The following ASTN2 variants were observed in gnomAD, a reference collection of about 807,000 sequenced individuals.
The protein encoded by ASTN2 is astrotactin 2, also known as astrotactin-2.
In ASTN2, 54 loss-of-function variants were observed where a neutral mutation model predicts 139.8. The observed-to-expected ratio is 0.39, with a 90% CI of 0.31 to 0.48. The LOEUF (loss-of-function observed/expected upper bound fraction) is 0.48, where lower values mean the gene tolerates loss of function less well. ASTN2 is among the 20% of genes least tolerant of loss of function. The pLI, the probability that ASTN2 is intolerant of heterozygous loss-of-function variation, is 0.95. For missense variants in ASTN2, 1,565 were observed against 1,725.1 expected (o/e 0.91, Z 1.64); for synonymous variants, 756 against 719.5 (o/e 1.05, Z -0.81).
chr9:116,942,155 C>G (rs545511136), intron 10 of ASTN2, among the ~76,000 whole-genome samples: 111 of 152,068 alleles, frequency 7.3e-4, no homozygotes, highest in African/African-American at 2.5e-3. Context: ...TCTCTGAGGT[C>G]TCTCCTCTAC....
At chr9:116,870,068 C>T (rs1833120779) in intron 10 of ASTN2, among the ~76,000 whole-genome samples, 6 of 151,552 alleles carry the variant, frequency 4.0e-5, no homozygotes, top group Admixed American at 4.0e-4. Flanking sequence ...TCAAGGATTT[C>T]AGTAAGCTGT....
rs746249935 is a variant in ASTN2, at chr9:117,414,605, C to G, written c.334G>C (p.Gly112Arg). ...AASPGSPGSA[G>R]TAAESRLLLF... ...AGGAGGCGCGACTCGGCGGCGGTGC[C>G]GGCAGAGCCAGGAGAGCCCGGGGAC... Residue 112 changes from glycine (G) to arginine (R), a missense_variant, in exon 1 of 23, where the codon GGC becomes CGC. By Grantham distance (125) the Gly-to-Arg change is moderately radical (BLOSUM62 -2). This residue lies in a region of ASTN2 where 596 missense variants were observed against 576.8 expected (regional missense o/e 1.03). Transcript: ENST00000313400. The surrounding 1 kb of genome is among the most constrained non-coding windows in gnomAD (Gnocchi z 4.2). The G allele has an allele frequency of 1.1e-5, 18 of 1,567,638 alleles. No individual in the cohort carries two copies. Among genetic ancestry groups the G allele is most frequent in the Admixed American group, 8.9e-5 (5 of 56,120 alleles).
At chr9:116,635,946 G>T (rs1010293164) in intron 17 of ASTN2, among the ~76,000 whole-genome samples, 1 of 152,170 alleles carries the variant, frequency 6.6e-6, no homozygotes, top group Admixed American at 6.5e-5. Context: ...AAGTTTTATG[G>T]TCAAAGAAAG....
intron 2 of ASTN2, among the ~76,000 whole-genome samples, chr9:117,237,241 A>G (rs1833072497): frequency 1.3e-5 from 2 of 151,834 alleles, no homozygotes; most frequent in Non-Finnish European, 2.9e-5. Flanking sequence ...TTCTATTATT[A>G]TCTATTTTTT....
At chr9:116,483,754 G>C (rs1329755726) in intron 20 of ASTN2, among the ~76,000 whole-genome samples, 1 of 151,984 alleles carries the variant, frequency 6.6e-6, no homozygotes, top group East Asian at 1.9e-4. Context: ...AGGAGAGAGG[G>C]GATGAAAATA....
intron 19 of ASTN2, chr9:116,611,843 A>G (rs1209367282): frequency 6.6e-6 from 1 of 152,180 alleles, no homozygotes; most frequent in African/African-American, 2.4e-5. Context: ...AATACTATCA[A>G]TTTTAACCAC....
intron 22 of ASTN2, among the ~76,000 whole-genome samples, chr9:116,438,667 C>T (rs1419126415): frequency 6.6e-6 from 1 of 152,194 alleles, no homozygotes; most frequent in Non-Finnish European, 1.5e-5. Flanking sequence ...AAATCTTGGG[C>T]CGGGCGGTGG....
intron 17 of ASTN2, among the ~76,000 whole-genome samples, chr9:116,642,115 T>G (rs1246691762): frequency 3.6e-5 from 3 of 83,114 alleles, no homozygotes; most frequent in East Asian, 3.5e-4. Flanking sequence ...GCTGGGAAAA[T>G]GAAGGCTCCC....
At chr9:116,828,395 T>G (rs552681724) in intron 11 of ASTN2, among the ~76,000 whole-genome samples, 17 of 151,850 alleles carry the variant, frequency 1.1e-4, no homozygotes, top group African/African-American at 3.9e-4. Context: ...ATCCCTGTGA[T>G]GTAATGAGGA....
chr9:116,540,152 T>G (rs1851817597), intron 19 of ASTN2, among the ~76,000 whole-genome samples: 1 of 152,194 alleles, frequency 6.6e-6, no homozygotes, highest in African/African-American at 2.4e-5. Flanking sequence ...ATTCCTAAGA[T>G]TTCATGTCTC....
chr9:116,651,799 G>A lies in ASTN2; in HGVS notation c.2807-6C>T. 1 of 1,612,112 alleles carries A rather than the reference G, an allele frequency of 6.2e-7. No individual in the cohort carries two copies. Among genetic ancestry groups the A allele is most frequent in the Non-Finnish European group, 8.5e-7 (1 of 1,178,416 alleles). ...GCTGCCCAGCTCTGTGGTCTCTGGA[G>A]AGGCACAAGACAGGAAGAGCGAAAG... is the stretch of plus-strand genomic sequence containing the variant. On this transcript the variant is annotated splice_region_variant and splice_polypyrimidine_tract_variant and intron_variant, in intron 16 of 22. Coordinates refer to ENST00000313400, the MANE Select transcript of ASTN2 (RefSeq NM_001365068.1).
At chr9:116,740,155 G>T (rs939439105) in intron 13 of ASTN2, among the ~76,000 whole-genome samples, 1 of 152,232 alleles carries the variant, frequency 6.6e-6, no homozygotes, top group South Asian at 2.1e-4. Flanking sequence ...GTGCATTCAG[G>T]TAGAGGTAGT....
At chr9:117,337,309 C>T (rs983310063) in intron 1 of ASTN2, among the ~76,000 whole-genome samples, 1 of 152,068 alleles carries the variant, frequency 6.6e-6, no homozygotes, top group Admixed American at 6.5e-5. Flanking sequence ...AGGGCAATGA[C>T]CTGTGATTTC....
chr9:116,875,900 G>A (rs1833283105), intron 10 of ASTN2, among the ~76,000 whole-genome samples: 1 of 152,198 alleles, frequency 6.6e-6, no homozygotes, highest in Admixed American at 6.5e-5. Context: ...AATGAGCTGT[G>A]ATGGAGATGC....
At chr9:117,247,537 T>C (rs554593055) in intron 2 of ASTN2, among the ~76,000 whole-genome samples, 2 of 152,344 alleles carry the variant, frequency 1.3e-5, no homozygotes, top group East Asian at 1.9e-4. Context: ...GAGTATGGGA[T>C]GATTTGTCCC....
chr9:117,155,592 GA>G (rs1830416375), intron 3 of ASTN2, among the ~76,000 whole-genome samples: 1 of 152,014 alleles, frequency 6.6e-6, no homozygotes, highest in South Asian at 2.1e-4. Context: ...GATAACCTCA[GA>G]AGGAAGCTCA....
chr9:116,702,395 T>C (rs1226412523), intron 16 of ASTN2, among the ~76,000 whole-genome samples: 4 of 152,206 alleles, frequency 2.6e-5, no homozygotes, highest in Non-Finnish European at 4.4e-5. Flanking sequence ...AAAACCTTTC[T>C]CAGGCATTTC....
Position 117,350,570 on chromosome 9 carries a change from GAAAGAAAAGAAAAGAAA to G in ASTN2, c.443-59074_443-59058del, listed in dbSNP as rs1027153021. Among the ~76,000 whole-genome samples, 47 of 150,660 alleles carry G rather than the reference GAAAGAAAAGAAAAGAAA, an allele frequency of 3.1e-4. No homozygotes were observed. The East Asian group carries it at 4.3e-3, about 14-fold the overall frequency. ...CTCCATCTTAAAAAAAAAAAGGAAAGAAAGAAAAGAAAAGAAAAAAGAAAAGAAAAGAAAAATCAGAG... is the reference window on the plus strand; with the variant it reads ...CTCCATCTTAAAAAAAAAAAGGAAAGAAAGAAAAGAAAAGAAAAATCAGAG... On this transcript the variant is annotated intron_variant, in intron 1 of 22. Coordinates refer to ENST00000313400, the MANE Select transcript of ASTN2 (RefSeq NM_001365068.1).
At chr9:116,621,912 T>C (rs1036087825) in intron 17 of ASTN2, among the ~76,000 whole-genome samples, 2 of 152,242 alleles carry the variant, frequency 1.3e-5, no homozygotes, top group Non-Finnish European at 2.9e-5. Context: ...TGCTTGATGC[T>C]AACACTGACA....
Sources: gnomAD v4.1 joint callset for allele counts (sites outside exome capture counted in the v4.1 genomes callset) on GRCh38, gnomAD v4.1.1 for gene constraint, gnomAD v4.1.1 regional missense constraint, Gnocchi (gnomAD v3.1) non-coding constraint, MANE v1.5 for transcripts, NCBI Gene and HGNC (gene_info 2026-07-23, HGNC 2026-07-21) for gene names.